Variants in TP53BP2 observed in about 807,000 individuals in gnomAD.
TP53BP2 encodes the protein tumor protein p53 binding protein 2.
Under a neutral mutation model 126.2 loss-of-function variants are expected in TP53BP2, and 62 were observed. The observed-to-expected ratio is 0.49, with a 90% CI of 0.40 to 0.61. The LOEUF is 0.61. Among genes scored for constraint, TP53BP2 ranks in the 20% least tolerant of loss-of-function variants. The pLI is 0.00. For synonymous variants in TP53BP2, 485 were observed against 502.9 expected (o/e 0.96, Z 0.48); for missense variants, 1,215 against 1,402.8 (o/e 0.87, Z 2.14).
Position 223,780,785 on chromosome 1 carries a change from A to G in TP53BP2, c.*68T>C. ...AATAAGTCTTGTGAAATTTTTGCCA[A>G]AAATAATCGTATTACTTCTTCTTAA... is the stretch of plus-strand genomic sequence containing the variant. On this transcript the variant is annotated 3_prime_UTR_variant, in exon 18 of 18. Transcript: ENST00000343537. The G allele has an allele frequency of 7.7e-6, 12 of 1,550,264 alleles. No homozygotes were observed. The highest frequency in any genetic ancestry group is 9.7e-6 in the Non-Finnish European group (11 of 1,139,356).
intron 1 of TP53BP2, among the ~76,000 whole-genome samples, chr1:223,827,335 C>T (rs1048452928): frequency 4.6e-5 from 7 of 152,126 alleles, no homozygotes; most frequent in Non-Finnish European, 8.8e-5. Context: ...GGAAGAAGTC[C>T]AGAAGAGTGC....
At chr1:223,817,022 T>C (rs971717109) in intron 2 of TP53BP2, among the ~76,000 whole-genome samples, 1 of 150,690 alleles carries the variant, frequency 6.6e-6, no homozygotes, top group Non-Finnish European at 1.5e-5. Context: ...TAGCTGGGTG[T>C]GGTGGCACAT....
chr1:223,841,296 A>G (rs1041627041), intron 1 of TP53BP2, among the ~76,000 whole-genome samples: 3 of 146,430 alleles, frequency 2.0e-5, no homozygotes, highest in African/African-American at 7.7e-5. Context: ...CATTTCTAAA[A>G]ATAGATTATT....
At position 223,845,804 on chromosome 1, in the gene TP53BP2, G is replaced by C. The variant is rs945037742; in HGVS notation, c.-124C>G. The C allele has an allele frequency of 1.2e-5, 11 of 953,640 alleles. No homozygotes were observed. The African/African-American group carries it at 1.2e-4, about 11-fold the overall frequency. The allele number at this position is 953,640 out of a possible 1,614,324, so 59.1% of individuals were successfully genotyped here. On this transcript the variant is annotated 5_prime_UTR_variant, in exon 1 of 18. Coordinates refer to ENST00000343537, the MANE Select transcript of TP53BP2 (RefSeq NM_001031685.3). The stretch of plus-strand genomic sequence containing the variant: ...GTTGCGAGGCGGCGGCGGCGGCAGC[G>C]GCGGCGCGCGGGTCCGAAGGGCCCT...
rs1317397125 is a variant in TP53BP2, at chr1:223,796,095, G to C, written c.2444C>G (p.Ser815Cys). The C allele has an allele frequency of 6.2e-7, 1 of 1,614,076 alleles. No individual in the cohort carries two copies. The highest frequency in any genetic ancestry group is 2.2e-5 in the East Asian group (1 of 44,892). ...EVVSLVPESL[S>C]PEDVGNASTE... ...ACTGGCATTCCCCACATCCTCTGGG[G>C]ACAATGATTCAGGAACCAGAGAGAC... The change falls in exon 13 of 18, where the codon TCC (serine) becomes TGC (cysteine). Residue 815 changes from serine to cysteine, a missense_variant. Physicochemically the swap from Ser to Cys is moderately radical, Grantham distance 112 (BLOSUM62 -1). Transcript: ENST00000343537. This position sits in a 1 kb window ranked among gnomAD's most constrained non-coding sequence, Gnocchi z 4.2.
rs1405344189 is a variant in TP53BP2, at chr1:223,803,346, C to A, written c.756G>T (p.Lys252Asn). ...EELTRQLEML[K>N]NGRIDSHHDN... ...CATGGTGGCTGTCGATCCTGCCGTT[C>A]TTGAGCATCTCTAGCTGCCTGGTCA... is the stretch of plus-strand genomic sequence containing the variant. Residue 252 changes from lysine (K) to asparagine (N), a missense_variant, in exon 7 of 18, where the codon AAG (lysine) becomes AAT (asparagine). Physicochemically the swap from Lys to Asn is moderately conservative, Grantham distance 94 (BLOSUM62 0). Around this residue, in one of 4 missense-constraint regions of TP53BP2, gnomAD observed 814 missense variants for 853.0 expected, o/e 0.95. Coordinates refer to ENST00000343537, the MANE Select transcript of TP53BP2 (RefSeq NM_001031685.3). 6 of 1,614,006 alleles carry A rather than the reference C, an allele frequency of 3.7e-6. No homozygotes were observed. Among genetic ancestry groups the A allele is most frequent in the Non-Finnish European group, 5.1e-6 (6 of 1,179,940 alleles).
At chr1:223,843,609 G>T (rs1664175710) in intron 1 of TP53BP2, among the ~76,000 whole-genome samples, 1 of 152,068 alleles carries the variant, frequency 6.6e-6, no homozygotes, top group African/African-American at 2.4e-5. Flanking sequence ...TTTATTTTAT[G>T]TATATTTTAC....
chr1:223,806,986 C>A, intron 4 of TP53BP2, 39 bp from the exon 5 acceptor site: 1 of 1,478,414 alleles, frequency 6.8e-7, no homozygotes, highest in Non-Finnish European at 9.4e-7. Flanking sequence ...TCCCAGCTTA[C>A]TATAAAACTA....
rs1158202256 is a variant in TP53BP2, at chr1:223,802,765, T to C, written c.962A>G (p.Lys321Arg). The C allele has an allele frequency of 6.2e-7, 1 of 1,614,214 alleles. No homozygotes were observed. The highest frequency in any genetic ancestry group is 1.1e-5 in the South Asian group (1 of 91,090). The change falls in exon 8 of 18, where the codon AAG becomes AGG. Residue 321 changes from lysine to arginine, a missense_variant. Coordinates refer to ENST00000343537, the MANE Select transcript of TP53BP2 (RefSeq NM_001031685.3). The stretch of plus-strand genomic sequence containing the variant: ...TTCTTTTTGCTGTAGAGCTGCCTTC[T>C]TCTTCCACAGCCGGTCCCTCAGCTC... The part of the protein sequence containing the change: ...VNELRDRLWK[K>R]KAALQQKENL...
chr1:223,821,094 C>G, intron 2 of TP53BP2, 126 bp downstream of exon 2: 1 of 1,216,784 alleles, frequency 8.2e-7, no homozygotes, highest in Non-Finnish European at 1.2e-6. Flanking sequence ...AACACTATTT[C>G]TGCCGGACGT....
chr1:223,794,693 T>C (rs532574796), intron 13 of TP53BP2, among the ~76,000 whole-genome samples: 4 of 152,334 alleles, frequency 2.6e-5, no homozygotes, highest in African/African-American at 7.2e-5. Context: ...GTCCTTCTTT[T>C]CTTATGTTTA....
At chr1:223,807,626 A>C (rs575340804) in intron 4 of TP53BP2, among the ~76,000 whole-genome samples, 10 of 151,914 alleles carry the variant, frequency 6.6e-5, no homozygotes, top group African/African-American at 9.7e-5. Context: ...AAAAAAAAAA[A>C]TCAATATGCA....
At chr1:223,784,707 C>T (rs748740812) in intron 16 of TP53BP2, among the ~76,000 whole-genome samples, 1 of 152,160 alleles carries the variant, frequency 6.6e-6, no homozygotes, top group Non-Finnish European at 1.5e-5. Context: ...AATGTAATGA[C>T]TAAGGAACTC....
At chr1:223,783,321 G>A (rs78452571) in intron 17 of TP53BP2, among the ~76,000 whole-genome samples, 51 of 152,344 alleles carry the variant, frequency 3.3e-4, no homozygotes, top group African/African-American at 1.1e-3. Flanking sequence ...AAGCAACGTA[G>A]AGGCCAGTGC....
chr1:223,795,764 G>C (rs369850005), intron 13 of TP53BP2, 51 bp downstream of exon 13: 3 of 1,383,078 alleles, frequency 2.2e-6, no homozygotes, highest in Non-Finnish European at 2.8e-6. Flanking sequence ...CAAGAAAATC[G>C]TAACAAAGTA....
intron 1 of TP53BP2, among the ~76,000 whole-genome samples, chr1:223,839,109 C>T (rs181669975): frequency 1.4e-3 from 212 of 150,698 alleles, no homozygotes; most frequent in Middle Eastern, 6.9e-3. Context: ...GCCAAAAGAA[C>T]ATCATTACCA....
intron 2 of TP53BP2, among the ~76,000 whole-genome samples, chr1:223,817,195 G>T (rs1306529850): frequency 7.1e-6 from 1 of 141,818 alleles, no homozygotes; most frequent in Non-Finnish European, 1.5e-5. Context: ...ATCAATTACT[G>T]CATGTGGAGG....
At position 223,802,364 on chromosome 1, in the gene TP53BP2, T is replaced by G; in HGVS notation, c.997-20A>C. On this transcript the variant is annotated intron_variant, in intron 8 of 17. Coordinates refer to ENST00000343537, the MANE Select transcript of TP53BP2 (RefSeq NM_001031685.3). ...TGAAACCTTAGGAAAGAAGCACAGG[T>G]CCTTTAGTATTAAAAATCATCTCAG... 1.2e-6 allele frequency: 2 copies of G among 1,600,874 alleles called. No homozygotes were observed. The highest frequency in any genetic ancestry group is 1.7e-6 in the Non-Finnish European group (2 of 1,172,920).
At chr1:223,786,878 T>C (rs1165083817) in intron 16 of TP53BP2, among the ~76,000 whole-genome samples, 1 of 151,668 alleles carries the variant, frequency 6.6e-6, no homozygotes, top group Non-Finnish European at 1.5e-5. Flanking sequence ...AGTGCTGGGA[T>C]TATAGGCGTG....
Sources: gnomAD v4.1 joint callset for allele counts (sites outside exome capture counted in the v4.1 genomes callset) on GRCh38, gnomAD v4.1.1 for gene constraint, gnomAD v4.1.1 regional missense constraint, Gnocchi (gnomAD v3.1) non-coding constraint, MANE v1.5 for transcripts, NCBI Gene and HGNC (gene_info 2026-07-23, HGNC 2026-07-21) for gene names.